ALK: variants seen among roughly 807,000 people sequenced by gnomAD.
ALK encodes the protein ALK receptor tyrosine kinase, also known as ALK tyrosine kinase receptor.
A neutral mutation model predicts 163.1 loss-of-function variants in ALK; 74 were observed. The ratio of observed to expected loss-of-function variants is 0.45; its 90% confidence interval spans 0.38 to 0.55. The LOEUF is 0.55. ALK is among the 20% of genes least tolerant of loss of function. The pLI, the probability that ALK is intolerant of heterozygous loss-of-function variation, is 0.00. For missense variants in ALK, 2,063 were observed against 2,105.3 expected (o/e 0.98, Z 0.39); for synonymous variants, 960 against 843.2 (o/e 1.14, Z -2.40).
intron 8 of ALK, among the ~76,000 whole-genome samples, chr2:29,305,265 T>TG (rs1196651637): frequency 1.3e-5 from 2 of 152,206 alleles, no homozygotes; most frequent in Admixed American, 1.3e-4. Context: ...TTCTTGGGGC[T>TG]GTTACATCGC....
At chr2:29,598,352 C>A (rs1377879809) in intron 3 of ALK, among the ~76,000 whole-genome samples, 3 of 149,638 alleles carry the variant, frequency 2.0e-5, no homozygotes, top group Non-Finnish European at 4.4e-5. Context: ...AAAGAGAACA[C>A]TAGTTGTTTG....
At chr2:29,527,549 C>A (rs1442219560) in intron 4 of ALK, among the ~76,000 whole-genome samples, 1 of 152,086 alleles carries the variant, frequency 6.6e-6, no homozygotes, top group Non-Finnish European at 1.5e-5. Flanking sequence ...GCTCTGTCAC[C>A]CAGGCTGGAG....
intron 1 of ALK, among the ~76,000 whole-genome samples, chr2:29,870,553 C>G (rs762533471): frequency 1.3e-5 from 2 of 152,008 alleles, no homozygotes; most frequent in African/African-American, 4.8e-5. Flanking sequence ...ACCATATCAA[C>G]CACCATTAAA....
At chr2:29,916,445 T>C (rs1558547713) in intron 1 of ALK, among the ~76,000 whole-genome samples, 1 of 152,198 alleles carries the variant, frequency 6.6e-6, no homozygotes, top group Non-Finnish European at 1.5e-5. Context: ...TTAAATCAGC[T>C]CTCTGCTCTT....
intron 3 of ALK, among the ~76,000 whole-genome samples, chr2:29,561,008 C>A (rs953249980): frequency 6.6e-6 from 1 of 151,322 alleles, no homozygotes; most frequent in Non-Finnish European, 1.5e-5. Flanking sequence ...TAATATTATT[C>A]TCATTAATAT....
intron 8 of ALK, among the ~76,000 whole-genome samples, chr2:29,305,110 G>A (rs1421674844): frequency 1.3e-5 from 2 of 152,214 alleles, no homozygotes; most frequent in Non-Finnish European, 2.9e-5. Flanking sequence ...GACCCTCTCA[G>A]TGAGGGGTCC....
At chr2:29,757,619 G>GTA (rs1169692494) in intron 1 of ALK, among the ~76,000 whole-genome samples, 1 of 151,774 alleles carries the variant, frequency 6.6e-6, no homozygotes, top group Non-Finnish European at 1.5e-5. Flanking sequence ...GTGTGTGTGT[G>GTA]TAATCTGCCA....
intron 1 of ALK, among the ~76,000 whole-genome samples, chr2:29,875,956 T>C (rs1329098375): frequency 6.6e-6 from 1 of 152,216 alleles, no homozygotes. Flanking sequence ...AGTAATGGGA[T>C]TGCTGAGTCA....
In ALK at chr2:29,328,393, G is replaced by C. The variant is rs2148258267; in HGVS notation, c.1371C>G (p.Phe457Leu). The C allele has an allele frequency of 3.1e-6, 5 of 1,614,184 alleles. No individual in the cohort carries two copies. The highest frequency in any genetic ancestry group is 4.2e-6 in the Non-Finnish European group (5 of 1,180,020). Residue 457 changes from phenylalanine (F) to leucine (L), a missense_variant, in exon 6 of 29, where the codon TTC becomes TTG. Coordinates refer to ENST00000389048, the MANE Select transcript of ALK (RefSeq NM_004304.5). ...CTTCTCCCTGGGCACAGTCCTGGTG[G>C]AAGTCACAGGCCTGCCCAAGCTGGA... ...TVLQLGQACD[F>L]HQDCAQGEDE...
intron 4 of ALK, among the ~76,000 whole-genome samples, chr2:29,520,087 A>C (rs1157338373): frequency 6.6e-6 from 1 of 152,212 alleles, no homozygotes; most frequent in Non-Finnish European, 1.5e-5. Context: ...TAGCTCAGGA[A>C]ATTAGAGGAA....
chr2:29,723,871 G>A (rs956979192), intron 1 of ALK, among the ~76,000 whole-genome samples: 4 of 152,076 alleles, frequency 2.6e-5, no homozygotes, highest in Non-Finnish European at 4.4e-5. Flanking sequence ...TAATTACAAC[G>A]TCCAGAAATC....
At position 29,284,506 on chromosome 2, in the gene ALK, T is replaced by C. The variant is rs181898015; in HGVS notation, c.1818-9010A>G. ...TGACTTGTAAGCCAAGCTGTGGATG[T>C]TACCAAGAAAATCTTGAGCAGATTC... On this transcript the variant is annotated intron_variant, in intron 9 of 28. Transcript: ENST00000389048. Among the ~76,000 whole-genome samples, 14 of 152,276 alleles carry C rather than the reference T, an allele frequency of 9.2e-5. No individual in the cohort carries two copies. The East Asian group carries it at 2.5e-3, about 27-fold the overall frequency.
At chr2:29,692,055 T>G (rs976336206) in intron 3 of ALK, among the ~76,000 whole-genome samples, 1 of 152,168 alleles carries the variant, frequency 6.6e-6, no homozygotes, top group Non-Finnish European at 1.5e-5. Flanking sequence ...GGAGTAAGTC[T>G]GAATGGGAGT....
chr2:29,338,562 T>G (rs1410077489), intron 5 of ALK, among the ~76,000 whole-genome samples: 1 of 152,240 alleles, frequency 6.6e-6, no homozygotes, highest in Non-Finnish European at 1.5e-5. Flanking sequence ...CTTGCTCTTC[T>G]CTCTTGAAGA....
chr2:29,793,778 A>G (rs974371891), intron 1 of ALK, among the ~76,000 whole-genome samples: 1 of 152,184 alleles, frequency 6.6e-6, no homozygotes, highest in Non-Finnish European at 1.5e-5. Flanking sequence ...CATTTATTGA[A>G]TATTCAGTTT....
intron 2 of ALK, among the ~76,000 whole-genome samples, chr2:29,698,790 T>C (rs1164134072): frequency 6.6e-6 from 1 of 152,248 alleles, no homozygotes; most frequent in Non-Finnish European, 1.5e-5. Context: ...CCTTCTGTAA[T>C]TCTTAGTCCG....
rs1381440856 is a variant in ALK at position 29,229,025 on chromosome 2, C to T, written c.2674G>A (p.Ala892Thr). ...GWNDNTSLLW[A>T]GKSLQEGATG... ...GCACCCTCCTGCAAAGATTTTCCGG[C>T]CCAGAGCAAGGAAGTGTTATCATTC... Residue 892 changes from alanine (A) to threonine (T), a missense_variant, in exon 16 of 29, where the codon GCC becomes ACC. Transcript: ENST00000389048. 3.7e-6 allele frequency: 6 copies of T among 1,602,358 alleles called. No homozygotes were observed. The highest frequency in any genetic ancestry group is 5.1e-6 in the Non-Finnish European group (6 of 1,173,730).
At position 29,227,786 on chromosome 2, in the gene ALK, C is replaced by T. The variant is rs557530500; in HGVS notation, c.2816-114G>A. 218 of 802,582 alleles carry T rather than the reference C, an allele frequency of 2.7e-4. 1 individual carries two copies. The Admixed American group carries it at 4.2e-3, about 15-fold the overall frequency. The allele number at this position is 802,582 out of a possible 1,614,324, so 49.7% of individuals were successfully genotyped here. A position where few individuals can be genotyped will look rare whatever the true frequency, so the allele number is the denominator to read the frequency against. On this transcript the variant is annotated intron_variant, in intron 16 of 28. Coordinates refer to ENST00000389048, the MANE Select transcript of ALK (RefSeq NM_004304.5). This position sits in a 1 kb window ranked among gnomAD's most constrained non-coding sequence, Gnocchi z 4.4. ...GCCAAAGTTAGGGGGTCACTGGGGACCTCAGGGGCAGGGATGCGGGGAGGG... is the reference window on the plus strand; with the variant it reads ...GCCAAAGTTAGGGGGTCACTGGGGATCTCAGGGGCAGGGATGCGGGGAGGG...
intron 12 of ALK, among the ~76,000 whole-genome samples, chr2:29,248,305 G>C (rs1313969137): frequency 1.3e-5 from 2 of 152,060 alleles, no homozygotes; most frequent in Non-Finnish European, 2.9e-5. Context: ...GTGAAACCCC[G>C]TCTCTACTAA....
Sources: gnomAD v4.1 joint callset for allele counts (sites outside exome capture counted in the v4.1 genomes callset) on GRCh38, gnomAD v4.1.1 for gene constraint, Gnocchi (gnomAD v3.1) non-coding constraint, MANE v1.5 for transcripts, NCBI Gene and HGNC (gene_info 2026-07-23, HGNC 2026-07-21) for gene names.